ATP6V0A1: variants seen among roughly 807,000 people sequenced by gnomAD.
The protein encoded by ATP6V0A1 is V-type proton ATPase 116 kDa subunit a 1.
ATP6V0A1 carries 43 observed loss-of-function variants against 105.4 expected under a neutral mutation model. That is an observed-to-expected ratio of 0.41 (90% CI 0.32 to 0.53). The LOEUF (loss-of-function observed/expected upper bound fraction) is 0.53, where lower values mean the gene tolerates loss of function less well. Ranked by LOEUF, ATP6V0A1 falls within the 20% of genes least tolerant of loss-of-function variation. The pLI is 0.30. For missense variants in ATP6V0A1, 676 were observed against 1,051.1 expected (o/e 0.64, Z 4.93); for synonymous variants, 362 against 372.8 (o/e 0.97, Z 0.33).
intron 21 of ATP6V0A1, among the ~76,000 whole-genome samples, chr17:42,516,536 C>T (rs2092634972): frequency 6.6e-6 from 1 of 152,214 alleles, no homozygotes; most frequent in African/African-American, 2.4e-5. Flanking sequence ...CTCACTTTTT[C>T]TTGCCCCTTG....
chr17:42,459,711 GTA>G (rs1362695595), intron 1 of ATP6V0A1, among the ~76,000 whole-genome samples: 1 of 152,190 alleles, frequency 6.6e-6, no homozygotes, highest in Non-Finnish European at 1.5e-5. Flanking sequence ...TGATTCAGAT[GTA>G]CAGAATCTTA....
intron 19 of ATP6V0A1, among the ~76,000 whole-genome samples, chr17:42,509,585 C>G (rs1767864470): frequency 1.3e-5 from 2 of 152,240 alleles, no homozygotes; most frequent in Non-Finnish European, 2.9e-5. Flanking sequence ...GACTGCTCAT[C>G]TATGCAGTCC....
At chr17:42,473,385 T>C (rs1033064273) in intron 5 of ATP6V0A1, among the ~76,000 whole-genome samples, 17 of 152,360 alleles carry the variant, frequency 1.1e-4, no homozygotes, top group East Asian at 3.8e-4. Flanking sequence ...CACCTACTTA[T>C]TGTGAGACAC....
chr17:42,464,613 C>T (rs1284679434), intron 2 of ATP6V0A1, among the ~76,000 whole-genome samples: 9 of 152,022 alleles, frequency 5.9e-5, no homozygotes, highest in African/African-American at 1.2e-4. Flanking sequence ...CTGTGTTGGC[C>T]GGGCTGGTCT....
rs1336336230 is a variant in ATP6V0A1 at position 42,497,202 on chromosome 17, A to C, written c.1560+1486A>C. ...CCTGTAGTCCTAAGGCAGGAGGCTA[A>C]GGCAGGAGAACAGCTTGAACCTGGG... On this transcript the variant is annotated intron_variant, in intron 14 of 21. Transcript: ENST00000343619. 7.3e-5 allele frequency among the ~76,000 whole-genome samples: 11 copies of C among 150,924 alleles called. No individual in the cohort carries two copies. The East Asian group carries it at 2.2e-3, about 30-fold the overall frequency.
chr17:42,497,931 C>CAA (rs768568465), intron 14 of ATP6V0A1, among the ~76,000 whole-genome samples: 1 of 106,708 alleles, frequency 9.4e-6, no homozygotes, highest in Non-Finnish European at 1.9e-5. Context: ...GAGTTCATCT[C>CAA]AAAAAAAAAA....
chr17:42,475,156 C>T (rs187996821), intron 5 of ATP6V0A1, among the ~76,000 whole-genome samples: 1 of 152,232 alleles, frequency 6.6e-6, no homozygotes, highest in Admixed American at 6.5e-5. Flanking sequence ...CTGCCATTTC[C>T]TTTGGGGCCT....
chr17:42,503,023 C>T (rs2091798234), intron 17 of ATP6V0A1, among the ~76,000 whole-genome samples: 1 of 152,308 alleles, frequency 6.6e-6, no homozygotes, highest in South Asian at 2.1e-4. Flanking sequence ...AGAAGTTCCA[C>T]CTCTTAAGAA....
intron 18 of ATP6V0A1, 167 bp downstream of exon 18, chr17:42,507,794 C>G: frequency 1.6e-6 from 1 of 638,138 alleles, no homozygotes; most frequent in Admixed American, 2.2e-5. Context: ...TCCAGTGGGC[C>G]CTGCCCTAAG....
chr17:42,461,917 GAGAT>G (rs1212226272), intron 2 of ATP6V0A1, among the ~76,000 whole-genome samples: 1 of 151,820 alleles, frequency 6.6e-6, no homozygotes, highest in Non-Finnish European at 1.5e-5. Flanking sequence ...ACAAAAAAAA[GAGAT>G]AGGGGCCAGG....
At chr17:42,485,232 CTTAACCTGT>C (rs1318063677) in intron 9 of ATP6V0A1, among the ~76,000 whole-genome samples, 1 of 152,138 alleles carries the variant, frequency 6.6e-6, no homozygotes, top group Non-Finnish European at 1.5e-5. Context: ...TTGAGATACA[CTTAACCTGT>C]TTAAGCAGAG....
At chr17:42,487,450 G>T (rs945259834) in intron 10 of ATP6V0A1, 83 bp downstream of exon 10, 1 of 1,415,842 alleles carries the variant, frequency 7.1e-7, no homozygotes, top group Non-Finnish European at 9.8e-7. Flanking sequence ...ATTTTTGGCC[G>T]GGCGCGGTGG....
chr17:42,494,418 CTGTGTGGATGGTA>C lies in ATP6V0A1; in HGVS notation c.1260_1272del (p.Val421Ter), dbSNP rs2090962522. 6.2e-7 allele frequency: 1 copy of C among 1,613,174 alleles called. No individual in the cohort carries two copies. The highest frequency in any genetic ancestry group is 1.3e-5 in the African/African-American group (1 of 74,736). On this transcript the variant is annotated frameshift_variant, in exon 12 of 22. Coordinates refer to ENST00000343619, the MANE Select transcript of ATP6V0A1 (RefSeq NM_001130021.3). LOFTEE classifies it high-confidence loss of function. ...CATGGCATTTTAATGACCCTTTTTG[CTGTGTGGATGGTA>C]CTGAGGGAGAGCCGGATCCTTTCCC... is the stretch of plus-strand genomic sequence containing the variant.
chr17:42,463,256 C>A (rs992540675), intron 2 of ATP6V0A1, among the ~76,000 whole-genome samples: 1 of 151,890 alleles, frequency 6.6e-6, no homozygotes, highest in Non-Finnish European at 1.5e-5. Context: ...ATCCATCCCC[C>A]CTCAGCCTCC....
intron 12 of ATP6V0A1, 199 bp downstream of exon 12, chr17:42,494,672 C>G (rs921643035): frequency 1.4e-5 from 9 of 622,902 alleles, no homozygotes; most frequent in Non-Finnish European, 2.1e-5. Flanking sequence ...TACTTGGAGG[C>G]TGAGGCAGGA....
At chr17:42,501,454 C>T (rs1364771192) in intron 17 of ATP6V0A1, 150 bp downstream of exon 17, 1 of 657,796 alleles carries the variant, frequency 1.5e-6, no homozygotes, top group Non-Finnish European at 2.5e-6. Flanking sequence ...TCGCTCTGTC[C>T]CCCAGGCTGG....
chr17:42,459,684 G>T (rs1345109688), intron 1 of ATP6V0A1, among the ~76,000 whole-genome samples: 1 of 152,168 alleles, frequency 6.6e-6, no homozygotes, highest in Non-Finnish European at 1.5e-5. Flanking sequence ...GGTGGTGCCG[G>T]TAACAGCTGA....
chr17:42,476,384 TTTTAA>T (rs2088747692), intron 5 of ATP6V0A1, among the ~76,000 whole-genome samples: 1 of 152,224 alleles, frequency 6.6e-6, no homozygotes, highest in Non-Finnish European at 1.5e-5. Flanking sequence ...CTGTGCCACT[TTTTAA>T]GAGTGTGGCT....
intron 14 of ATP6V0A1, 128 bp downstream of exon 14, chr17:42,495,844 C>A: frequency 1.2e-6 from 1 of 808,334 alleles, no homozygotes; most frequent in Non-Finnish European, 2.0e-6. Context: ...GCCTGTAATC[C>A]CAGCACTTTG....
Sources: allele counts gnomAD v4.1 joint callset (sites outside exome capture counted in the v4.1 genomes callset), GRCh38; gene constraint gnomAD v4.1.1; transcripts MANE v1.5; gene names NCBI Gene and HGNC (gene_info 2026-07-23, HGNC 2026-07-21).